The following ELAVL4 variants were observed in gnomAD, a reference collection of about 807,000 sequenced individuals.
ELAVL4 encodes the protein ELAV-like protein 4.
In ELAVL4, 1 loss-of-function variant was observed where a neutral mutation model predicts 35.6. The observed-to-expected ratio is 0.03, with a 90% CI of 0.01 to 0.13. ELAVL4 has a LOEUF of 0.13. Ranked by LOEUF, ELAVL4 falls within the 10% of genes least tolerant of loss-of-function variation. ELAVL4 has a pLI of 1.00. For missense variants in ELAVL4, 267 were observed against 464.9 expected, an observed-to-expected ratio of 0.57 and a Z score of 3.91; for synonymous variants, 156 against 171.0, an observed-to-expected ratio of 0.91 and a Z score of 0.69.
At chr1:50,099,509 A>G (rs975490200), upstream of ELAVL4, among the ~76,000 whole-genome samples, 3 of 151,142 alleles carry the variant, frequency 2.0e-5, no homozygotes, top group African/African-American at 7.3e-5. Flanking sequence ...GCAGTGAGCC[A>G]AGATCACACC....
At chr1:50,105,990 T>TC (rs1004192399), upstream of ELAVL4, 6 of 291,396 alleles carry the variant, frequency 2.1e-5, no homozygotes, top group East Asian at 2.3e-4. Flanking sequence ...CATCTGTTTT[T>TC]CCCCCCTCTT....
intron 3 of ELAVL4, among the ~76,000 whole-genome samples, chr1:50,182,002 G>A (rs749031243): frequency 6.6e-6 from 1 of 152,182 alleles, no homozygotes; most frequent in Non-Finnish European, 1.5e-5. Flanking sequence ...TTTAAAAGTC[G>A]TCTCCAATAG....
chr1:50,098,984 G>C (rs2148511875), upstream of ELAVL4, among the ~76,000 whole-genome samples: 1 of 152,268 alleles, frequency 6.6e-6, no homozygotes, highest in Admixed American at 6.5e-5. Context: ...GTTGATCTAA[G>C]GCTTCTGCTG....
chr1:50,067,112 C>T (rs181763346), intron 1 of ELAVL4, among the ~76,000 whole-genome samples: 23 of 152,190 alleles, frequency 1.5e-4, no homozygotes, highest in Admixed American at 7.2e-4. Context: ...TTCCCCTCCC[C>T]AAGAAATTGA....
intron 3 of ELAVL4, among the ~76,000 whole-genome samples, chr1:50,182,486 C>T (rs931479100): frequency 2.0e-5 from 3 of 152,198 alleles, no homozygotes; most frequent in African/African-American, 7.2e-5. Context: ...AAAGGACCAA[C>T]TCTAAAGCAG....
intron 1 of ELAVL4, among the ~76,000 whole-genome samples, chr1:50,063,571 C>T (rs565886689): frequency 6.6e-6 from 1 of 152,240 alleles, no homozygotes; most frequent in South Asian, 2.1e-4. Context: ...CTCTGGCTAA[C>T]CACCCTCTTT....
intron 1 of ELAVL4, chr1:50,048,280 C>A: frequency 3.7e-6 from 5 of 1,366,470 alleles, no homozygotes; most frequent in Non-Finnish European, 4.8e-6. Context: ...CTTCTCCCAG[C>A]GGCCAGCCTG....
chr1:50,162,334 T>C (rs1034910919), intron 2 of ELAVL4, among the ~76,000 whole-genome samples: 2 of 152,212 alleles, frequency 1.3e-5, no homozygotes, highest in Non-Finnish European at 1.5e-5. Flanking sequence ...ACAAGATCCA[T>C]GTGGGTCATA....
At chr1:50,130,542 C>T (rs918606106) in intron 1 of ELAVL4, among the ~76,000 whole-genome samples, 10 of 152,166 alleles carry the variant, frequency 6.6e-5, no homozygotes, top group African/African-American at 2.4e-4. Flanking sequence ...AAATATTTTC[C>T]TGTGTAACTC....
upstream of ELAVL4, among the ~76,000 whole-genome samples, chr1:50,102,044 T>C (rs1666002973): frequency 6.6e-6 from 1 of 152,178 alleles, no homozygotes; most frequent in Non-Finnish European, 1.5e-5. Context: ...TCCCAGCACT[T>C]GGGGAGGCCG....
upstream of ELAVL4, among the ~76,000 whole-genome samples, chr1:50,103,351 C>T (rs796681728): frequency 6.6e-6 from 1 of 152,046 alleles, no homozygotes; most frequent in African/African-American, 2.4e-5. Flanking sequence ...GACTCCTTCA[C>T]ATCAGTCTGG....
chr1:50,061,208 A>G (rs901374911), intron 1 of ELAVL4, among the ~76,000 whole-genome samples: 1 of 152,202 alleles, frequency 6.6e-6, no homozygotes, highest in Non-Finnish European at 1.5e-5. Flanking sequence ...TCATAAAATT[A>G]TATGCCAATT....
At chr1:50,076,371 A>T (rs1030176272) in intron 1 of ELAVL4, among the ~76,000 whole-genome samples, 3 of 152,188 alleles carry the variant, frequency 2.0e-5, no homozygotes, top group Admixed American at 2.0e-4. Context: ...CATAACTTTT[A>T]TTACAATATA....
At chr1:50,111,683 G>C (rs1280027833) in intron 1 of ELAVL4, among the ~76,000 whole-genome samples, 2 of 152,080 alleles carry the variant, frequency 1.3e-5, no homozygotes, top group Non-Finnish European at 2.9e-5. Flanking sequence ...TTTGGCATTT[G>C]GTCCTGATTC....
chr1:50,076,691 T>C (rs934163794), intron 1 of ELAVL4, among the ~76,000 whole-genome samples: 1 of 152,132 alleles, frequency 6.6e-6, no homozygotes, highest in Non-Finnish European at 1.5e-5. Flanking sequence ...CTGGAGCCTT[T>C]AGTCCTATGC....
chr1:50,074,530 A>C (rs1315786115), intron 1 of ELAVL4, among the ~76,000 whole-genome samples: 1 of 152,152 alleles, frequency 6.6e-6, no homozygotes, highest in Non-Finnish European at 1.5e-5. Context: ...CCGGTTTTGT[A>C]TTGGCTCCGG....
intron 5 of ELAVL4, 138 bp from the exon 6 acceptor site, chr1:50,197,291 C>T (rs1031235627): frequency 7.1e-5 from 50 of 707,756 alleles, no homozygotes; most frequent in Admixed American, 5.8e-4. Context: ...GGGAAACTAC[C>T]GGTGGATAGA....
At chr1:50,127,787 A>AT (rs1391408098) in intron 1 of ELAVL4, among the ~76,000 whole-genome samples, 2 of 152,190 alleles carry the variant, frequency 1.3e-5, no homozygotes, top group African/African-American at 4.8e-5. Flanking sequence ...CTAAACAGGA[A>AT]TTTAAACCTG....
intron 2 of ELAVL4, among the ~76,000 whole-genome samples, chr1:50,155,062 G>T (rs1675485487): frequency 1.3e-5 from 2 of 151,338 alleles, no homozygotes; most frequent in African/African-American, 4.9e-5. Flanking sequence ...TAGGGTACAT[G>T]TGCACAATAT....
Sources: allele counts gnomAD v4.1 joint callset (sites outside exome capture counted in the v4.1 genomes callset), GRCh38; gene constraint gnomAD v4.1.1; transcripts MANE v1.5; gene names NCBI Gene and HGNC (gene_info 2026-07-23, HGNC 2026-07-21).